PRR16: variants seen among roughly 807,000 people sequenced by gnomAD.
The protein encoded by PRR16 is protein Largen.
PRR16 carries 6 observed loss-of-function variants against 18.2 expected under a neutral mutation model. The observed-to-expected ratio is 0.33, with a 90% CI of 0.18 to 0.65. The LOEUF is 0.65. PRR16 is among the 30% of genes least tolerant of loss of function. The pLI, the probability that PRR16 is intolerant of heterozygous loss-of-function variation, is 0.74. For synonymous variants in PRR16, 151 were observed against 147.8 expected, an observed-to-expected ratio of 1.02 and a Z score of -0.16; for missense variants, 412 against 376.6, an observed-to-expected ratio of 1.09 and a Z score of -0.78.
intron 1 of PRR16, among the ~76,000 whole-genome samples, chr5:120,654,215 C>G (rs1361432354): frequency 1.3e-5 from 2 of 151,922 alleles, no homozygotes; most frequent in Non-Finnish European, 2.9e-5. Flanking sequence ...CATCTTGGAC[C>G]ACAAGTTAGA....
intron 1 of PRR16, among the ~76,000 whole-genome samples, chr5:120,480,076 C>T (rs1424220164): frequency 6.6e-6 from 1 of 152,110 alleles, no homozygotes; most frequent in African/African-American, 2.4e-5. Context: ...TTATTCATAA[C>T]AGGCTGCATT....
chr5:120,497,383 G>GTTTTTTTT (rs772458976), intron 1 of PRR16, among the ~76,000 whole-genome samples: 2 of 106,950 alleles, frequency 1.9e-5, no homozygotes, highest in Non-Finnish European at 3.7e-5. Context: ...TTGATGAACT[G>GTTTTTTTT]ATTTTTTTTT....
At chr5:120,770,898 ACT>A in the PRR16 span, among the ~76,000 whole-genome samples, 13 of 129,642 alleles carry the variant, frequency 1.0e-4, no homozygotes, top group South Asian at 2.7e-3. Context: ...AATTCCCATA[ACT>A]CTGTGAGTAT....
chr5:120,785,888 C>CT, the PRR16 span, among the ~76,000 whole-genome samples: 4 of 151,144 alleles, frequency 2.6e-5, no homozygotes, highest in South Asian at 6.3e-4. Context: ...CTTAAATGCT[C>CT]TTTTTTCCTG....
rs551552154 is a variant in PRR16 at position 120,489,121 on chromosome 5, A to G, written c.159+24476A>G. Among the ~76,000 whole-genome samples, 5 of 152,274 alleles carry G rather than the reference A, an allele frequency of 3.3e-5. No individual in the cohort carries two copies. The South Asian group carries it at 1.0e-3, about 32-fold the overall frequency. ...TGTGGTGTGGTGCTGAAAAGAATGTATATTCTGTTGATTTGGGGTGGAGAG... is the reference window on the plus strand; with the variant it reads ...TGTGGTGTGGTGCTGAAAAGAATGTGTATTCTGTTGATTTGGGGTGGAGAG... On this transcript the variant is annotated intron_variant, in intron 1 of 1. Transcript: ENST00000407149.
the PRR16 span, among the ~76,000 whole-genome samples, chr5:120,713,338 C>A: frequency 6.6e-6 from 1 of 152,078 alleles, no homozygotes; most frequent in Non-Finnish European, 1.5e-5. Context: ...TGTACATATT[C>A]AAGGCTCTTA....
chr5:120,509,108 G>A (rs540284722), intron 1 of PRR16, among the ~76,000 whole-genome samples: 1 of 152,218 alleles, frequency 6.6e-6, no homozygotes, highest in Admixed American at 6.6e-5. Flanking sequence ...AATCTCGATA[G>A]TGAATTTTTA....
At chr5:120,732,889 A>G in the PRR16 span, among the ~76,000 whole-genome samples, 1 of 152,200 alleles carries the variant, frequency 6.6e-6, no homozygotes, top group Non-Finnish European at 1.5e-5. Flanking sequence ...CAGATATTAT[A>G]AAAACACTTC....
At chr5:120,550,455 G>A (rs546242234) in intron 1 of PRR16, among the ~76,000 whole-genome samples, 1 of 152,130 alleles carries the variant, frequency 6.6e-6, no homozygotes, top group African/African-American at 2.4e-5. Context: ...TAAAGTTTTA[G>A]AGAGCAGCTA....
At chr5:120,732,846 G>A in the PRR16 span, among the ~76,000 whole-genome samples, 5 of 152,170 alleles carry the variant, frequency 3.3e-5, no homozygotes, top group Admixed American at 3.3e-4. Flanking sequence ...GGAAGAAAAA[G>A]GAATGAATAA....
chr5:120,670,896 T>C (rs1460597781), intron 1 of PRR16, among the ~76,000 whole-genome samples: 1 of 152,174 alleles, frequency 6.6e-6, no homozygotes, highest in Admixed American at 6.6e-5. Flanking sequence ...ATGACAAGAA[T>C]AATCCTTTTT....
the PRR16 span, among the ~76,000 whole-genome samples, chr5:120,740,290 A>C: frequency 5.3e-5 from 8 of 152,108 alleles, no homozygotes; most frequent in Non-Finnish European, 8.8e-5. Context: ...CTAAAGTTAA[A>C]TGTTTTCTGT....
chr5:120,535,559 G>A (rs1345555318), intron 1 of PRR16, among the ~76,000 whole-genome samples: 2 of 152,140 alleles, frequency 1.3e-5, no homozygotes, highest in African/African-American at 4.8e-5. Flanking sequence ...CAGCACTTTG[G>A]GAGGCCAAAG....
At chr5:120,780,298 CATAAA>C in the PRR16 span, among the ~76,000 whole-genome samples, 7 of 152,094 alleles carry the variant, frequency 4.6e-5, no homozygotes, top group East Asian at 1.9e-4. Context: ...TAGAATTGCA[CATAAA>C]ATAAATGATT....
At chr5:120,609,289 C>A (rs1997004) in intron 1 of PRR16, among the ~76,000 whole-genome samples, 12,848 of 152,036 alleles carry the variant, frequency 0.085, 1,107 homozygotes, top group African/African-American at 0.23. Context: ...GTGCAACCAT[C>A]ATCAGTATCT....
intron 1 of PRR16, among the ~76,000 whole-genome samples, chr5:120,583,195 A>T (rs1753330363): frequency 1.3e-5 from 2 of 152,182 alleles, no homozygotes; most frequent in Admixed American, 6.5e-5. Context: ...CATTTCTTCC[A>T]CTGTATCGTA....
chr5:120,528,867 A>G (rs1053410386), intron 1 of PRR16, among the ~76,000 whole-genome samples: 10 of 152,158 alleles, frequency 6.6e-5, no homozygotes, highest in Non-Finnish European at 1.2e-4. Flanking sequence ...TTGCACAAAT[A>G]TCTAGAATAG....
chr5:120,648,441 A>G (rs1009409857), intron 1 of PRR16, among the ~76,000 whole-genome samples: 1 of 152,132 alleles, frequency 6.6e-6, no homozygotes, highest in East Asian at 1.9e-4. Flanking sequence ...TTCCACCACC[A>G]GTATGCTTCC....
At chr5:120,638,254 A>G (rs1221655799) in intron 1 of PRR16, among the ~76,000 whole-genome samples, 1 of 152,060 alleles carries the variant, frequency 6.6e-6, no homozygotes, top group African/African-American at 2.4e-5. Context: ...AGCATTTCAG[A>G]TTTCATATTT....
Sources: gnomAD v4.1 joint callset for allele counts (sites outside exome capture counted in the v4.1 genomes callset) on GRCh38, gnomAD v4.1.1 for gene constraint, MANE v1.5 for transcripts, NCBI Gene and HGNC (gene_info 2026-07-23, HGNC 2026-07-21) for gene names.